C1QTNF3: variants seen among roughly 807,000 people sequenced by gnomAD.
The protein encoded by C1QTNF3 is C1q and TNF related 3.
Under a neutral mutation model 32.6 loss-of-function variants are expected in C1QTNF3, and 26 were observed. That is an observed-to-expected ratio of 0.80 (90% CI 0.58 to 1.11). The LOEUF (loss-of-function observed/expected upper bound fraction) is 1.11. Among genes scored for constraint, C1QTNF3 ranks in the 50% least tolerant of loss-of-function variants. The pLI, the probability that C1QTNF3 is intolerant of heterozygous loss-of-function variation, is 0.00. For synonymous variants in C1QTNF3, 155 were observed against 146.0 expected, an observed-to-expected ratio of 1.06 and a Z score of -0.44; for missense variants, 362 against 398.2, an observed-to-expected ratio of 0.91 and a Z score of 0.77.
At chr5:34,056,479 TAG>T in the C1QTNF3 span, among the ~76,000 whole-genome samples, 1,073 of 51,416 alleles carry the variant, frequency 0.021, 4 homozygotes, top group East Asian at 0.03. Flanking sequence ...TATATATATA[TAG>T]AGAGAGAGAG....
rs1411374784 is a variant in C1QTNF3, at chr5:34,018,362, TTCTC to T, written c.*2217_*2220del. Among the ~76,000 whole-genome samples, 3 of 152,314 alleles carry T rather than the reference TTCTC, an allele frequency of 2.0e-5. No individual in the cohort carries two copies. Among genetic ancestry groups the T allele is most frequent in the South Asian group, 2.1e-4 (1 of 4,830 alleles). ...TCTTATGCTCTCAGCTAGATACTGT[TTCTC>T]TCTCCTGTGAATTCCTAGCCCTTTG... On this transcript the variant is annotated 3_prime_UTR_variant, in exon 6 of 6. Transcript: ENST00000382065.
chr5:34,175,952 T>C, the C1QTNF3 span: 1 of 828,266 alleles, frequency 1.2e-6, no homozygotes, highest in Non-Finnish European at 2.2e-6. Flanking sequence ...ACATCAGAGG[T>C]GGATCCTGGG....
chr5:34,123,796 TA>T, the C1QTNF3 span, among the ~76,000 whole-genome samples: 2 of 152,208 alleles, frequency 1.3e-5, no homozygotes, highest in African/African-American at 2.4e-5. Context: ...ATTTTATTTC[TA>T]AAATGTTATG....
chr5:34,035,719 A>C lies in C1QTNF3; in HGVS notation c.343T>G (p.Cys115Gly). Residue 115 changes from cysteine (C) to glycine (G), a missense_variant, in exon 2 of 6, where the codon TGT becomes GGT. Coordinates refer to ENST00000382065, the MANE Select transcript of C1QTNF3 (RefSeq NM_181435.6). ...TGGLPPDCSK[C>G]CHGDYSFRGY... ...CGAAAGCTGTAGTCTCCATGACAACACTTACTGCAGTCTGGGGGTAGTCCT... is the reference window on the plus strand; with the variant it reads ...CGAAAGCTGTAGTCTCCATGACAACCCTTACTGCAGTCTGGGGGTAGTCCT... 1 of 1,612,680 alleles carries C rather than the reference A, an allele frequency of 6.2e-7. No homozygotes were observed. Among genetic ancestry groups the C allele is most frequent in the Non-Finnish European group, 8.5e-7 (1 of 1,179,654 alleles).
At chr5:34,222,135 T>C in the C1QTNF3 span, among the ~76,000 whole-genome samples, 1 of 151,978 alleles carries the variant, frequency 6.6e-6, no homozygotes, top group African/African-American at 2.4e-5. Context: ...TAAGTAATGT[T>C]AATGGAAAAA....
chr5:34,043,890 G>A (rs999566734), upstream of C1QTNF3: 11 of 152,194 alleles, frequency 7.2e-5, no homozygotes, highest in Admixed American at 2.0e-4. Context: ...ACCCTGCTTT[G>A]TGTTAAGAGA....
At chr5:34,157,536 T>C in the C1QTNF3 span, among the ~76,000 whole-genome samples, 1 of 152,210 alleles carries the variant, frequency 6.6e-6, no homozygotes, top group African/African-American at 2.4e-5. Context: ...ATTAAGTACC[T>C]TGAGATGAAA....
chr5:34,233,782 T>C, the C1QTNF3 span, among the ~76,000 whole-genome samples: 1 of 152,114 alleles, frequency 6.6e-6, no homozygotes, highest in South Asian at 2.1e-4. Context: ...AGGAAGCAAC[T>C]TCTTCGAATA....
intron 2 of C1QTNF3, 129 bp from the exon 3 acceptor site, chr5:34,033,587 G>T (rs544633922): frequency 7.0e-6 from 8 of 1,142,390 alleles, no homozygotes; most frequent in Admixed American, 4.0e-5. Flanking sequence ...TAACCAAGGG[G>T]TATCATCATC....
At chr5:34,154,866 C>G in the C1QTNF3 span, among the ~76,000 whole-genome samples, 4 of 152,140 alleles carry the variant, frequency 2.6e-5, no homozygotes, top group African/African-American at 9.7e-5. Flanking sequence ...ACCTGAGTAT[C>G]TAAACTATTA....
chr5:34,217,548 A>T, the C1QTNF3 span, among the ~76,000 whole-genome samples: 2 of 152,072 alleles, frequency 1.3e-5, no homozygotes, highest in East Asian at 3.8e-4. Context: ...AAAAATAAAA[A>T]AGACATACCT....
At chr5:34,049,665 C>T in the C1QTNF3 span, among the ~76,000 whole-genome samples, 4 of 152,298 alleles carry the variant, frequency 2.6e-5, no homozygotes, top group South Asian at 8.3e-4. Flanking sequence ...AAATGGGAGA[C>T]TGATTTTCAG....
the C1QTNF3 span, among the ~76,000 whole-genome samples, chr5:34,113,499 T>C: frequency 6.6e-6 from 1 of 152,108 alleles, no homozygotes; most frequent in Non-Finnish European, 1.5e-5. Context: ...CTACTGCAGA[T>C]AGCAACAATA....
the C1QTNF3 span, among the ~76,000 whole-genome samples, chr5:34,179,531 A>G: frequency 6.6e-6 from 1 of 152,294 alleles, no homozygotes; most frequent in African/African-American, 2.4e-5. Flanking sequence ...GAAAAGAAAA[A>G]AAAAAAAACA....
chr5:34,063,274 TTC>T, the C1QTNF3 span, among the ~76,000 whole-genome samples: 14 of 141,464 alleles, frequency 9.9e-5, no homozygotes, highest in East Asian at 1.0e-3. Flanking sequence ...CTTTCTGCCT[TTC>T]TCTCTCTCTT....
the C1QTNF3 span, among the ~76,000 whole-genome samples, chr5:34,185,056 T>C: frequency 1.3e-5 from 2 of 152,310 alleles, no homozygotes; most frequent in East Asian, 3.9e-4. Context: ...TTATTTAATA[T>C]ATATTGTTGG....
At chr5:34,110,697 T>C in the C1QTNF3 span, among the ~76,000 whole-genome samples, 3 of 152,276 alleles carry the variant, frequency 2.0e-5, no homozygotes, top group East Asian at 1.9e-4. Context: ...AACTGATCGC[T>C]GCTTATTGAA....
At chr5:34,063,400 C>A in the C1QTNF3 span, among the ~76,000 whole-genome samples, 26 of 152,052 alleles carry the variant, frequency 1.7e-4, 1 homozygote, top group South Asian at 3.5e-3. Flanking sequence ...CCTCGACTTA[C>A]TCAATTTGCT....
At chr5:34,184,910 A>G in the C1QTNF3 span, among the ~76,000 whole-genome samples, 5 of 152,368 alleles carry the variant, frequency 3.3e-5, no homozygotes, top group African/African-American at 1.2e-4. Context: ...GCACCTAAAA[A>G]GATTACAGCA....
Sources: gnomAD v4.1 joint callset for allele counts (sites outside exome capture counted in the v4.1 genomes callset) on GRCh38, gnomAD v4.1.1 for gene constraint, MANE v1.5 for transcripts, NCBI Gene and HGNC (gene_info 2026-07-23, HGNC 2026-07-21) for gene names.